The following UBTD2 variants were observed in gnomAD, a reference collection of about 807,000 sequenced individuals.
UBTD2 encodes ubiquitin domain-containing protein 2.
A neutral mutation model predicts 19.8 loss-of-function variants in UBTD2; 9 were observed. That is an observed-to-expected ratio of 0.46 (90% CI 0.27 to 0.79). The LOEUF (loss-of-function observed/expected upper bound fraction) is 0.79, where lower values mean the gene tolerates loss of function less well. Among genes scored for constraint, UBTD2 ranks in the 30% least tolerant of loss-of-function variants. The pLI is 0.14. For synonymous variants in UBTD2, 98 were observed against 103.9 expected, an observed-to-expected ratio of 0.94 and a Z score of 0.35; for missense variants, 250 against 300.4, an observed-to-expected ratio of 0.83 and a Z score of 1.24.
rs1771436933 is a variant in UBTD2, at chr5:172,211,244, A to G, written c.*586T>C. 1 of 152,356 alleles carries G rather than the reference A, an allele frequency of 6.6e-6. No individual in the cohort carries two copies. Among genetic ancestry groups the G allele is most frequent in the Non-Finnish European group, 1.5e-5 (1 of 68,030 alleles). The allele number at this position is 152,356 out of a possible 1,614,324, so 9.4% of individuals were successfully genotyped here. ...ATGAGGAAAGCAACACTAAAGCACAATTTGCCAGTCTCTACTCATTTATGG... is the reference window on the plus strand; with the variant it reads ...ATGAGGAAAGCAACACTAAAGCACAGTTTGCCAGTCTCTACTCATTTATGG... On this transcript the variant is annotated 3_prime_UTR_variant, in exon 3 of 3. Coordinates refer to ENST00000393792, the MANE Select transcript of UBTD2 (RefSeq NM_152277.3).
intron 1 of UBTD2, among the ~76,000 whole-genome samples, chr5:172,258,024 T>A (rs1273851644): frequency 6.6e-6 from 1 of 152,260 alleles, no homozygotes; most frequent in East Asian, 1.9e-4. Flanking sequence ...GTCCCACCTG[T>A]CAATTTTTGT....
chr5:172,244,423 G>T (rs1581221459), intron 1 of UBTD2, among the ~76,000 whole-genome samples: 1 of 150,694 alleles, frequency 6.6e-6, no homozygotes, highest in Non-Finnish European at 1.5e-5. Flanking sequence ...CAGCCTCCGG[G>T]GTAGCTGGGA....
At chr5:172,224,922 C>G (rs945836237) in intron 2 of UBTD2, among the ~76,000 whole-genome samples, 1 of 152,138 alleles carries the variant, frequency 6.6e-6, no homozygotes, top group African/African-American at 2.4e-5. Flanking sequence ...TCCAAAATCA[C>G]TTTTAGCTAC....
Position 172,211,917 on chromosome 5 carries a change from C to T in UBTD2, c.618G>A (p.Lys206=), listed in dbSNP as rs766830768. The change falls in exon 3 of 3, where the codon AAG becomes AAA. Residue 206 remains lysine, a synonymous_variant. Transcript: ENST00000393792. ...CCTTTGGGATCTTCAGCTCTTCGAA[C>T]TTCATTTTGTCAGTGAGAGGTCTGC... ...FSGRPLTDKM[K]FEELKIPKDY... The T allele has an allele frequency of 6.8e-6, 11 of 1,614,062 alleles. No individual in the cohort carries two copies. In the South Asian group the frequency reaches 9.9e-5, roughly 14 times the overall value.
At chr5:172,237,881 T>C (rs1028768706) in intron 1 of UBTD2, among the ~76,000 whole-genome samples, 1 of 152,228 alleles carries the variant, frequency 6.6e-6, no homozygotes, top group African/African-American at 2.4e-5. Flanking sequence ...GGCAAAAATA[T>C]ACAGGCTGTC....
At chr5:172,254,718 G>A in intron 1 of UBTD2, 1 of 315,454 alleles carries the variant, frequency 3.2e-6, no homozygotes, top group East Asian at 9.0e-5. Flanking sequence ...TGATTCTCTT[G>A]CAACAATGCT....
intron 1 of UBTD2, chr5:172,242,488 G>A (rs949599529): frequency 2.2e-6 from 2 of 916,540 alleles, no homozygotes; most frequent in African/African-American, 1.8e-5. Flanking sequence ...ACGGCAATGT[G>A]TGAAGACATT....
At position 172,283,303 on chromosome 5, in the gene UBTD2, G is replaced by C. The variant is rs1441117771; in HGVS notation, c.70+293C>G. Among the ~76,000 whole-genome samples the C allele has an allele frequency of 1.3e-5, 2 of 152,086 alleles. No homozygotes were observed. The highest frequency in any genetic ancestry group is 2.4e-5 in the African/African-American group (1 of 41,394). Reference sequence around the variant, plus strand: ...AATAATTAAACGGCCTGGAGAGGGAGTGAGGTGGCCAGAAGGGCAGCTTCG... The same window carrying C: ...AATAATTAAACGGCCTGGAGAGGGACTGAGGTGGCCAGAAGGGCAGCTTCG... On this transcript the variant is annotated intron_variant, in intron 1 of 2. Coordinates refer to ENST00000393792, the MANE Select transcript of UBTD2 (RefSeq NM_152277.3). The surrounding 1 kb of genome is among the most constrained non-coding windows in gnomAD (Gnocchi z 4.3).
In UBTD2 at chr5:172,234,200, C is replaced by A. The variant is rs769037278; in HGVS notation, c.229G>T (p.Ala77Ser). ...TCATTGCTCTCAAAAGCATGTGCAG[C>A]AGCCTTCAAGGCATCCCAAATCTCT... The part of the protein sequence containing the change: ...RKEIWDALKA[A>S]AHAFESNDHE... Residue 77 changes from alanine (A) to serine (S), a missense_variant, in exon 2 of 3, where the codon GCT becomes TCT. Coordinates refer to ENST00000393792, the MANE Select transcript of UBTD2 (RefSeq NM_152277.3). 6.2e-7 allele frequency: 1 copy of A among 1,614,166 alleles called. No individual in the cohort carries two copies. The highest frequency in any genetic ancestry group is 8.5e-7 in the Non-Finnish European group (1 of 1,180,038).
At chr5:172,278,450 T>C (rs1755649924) in intron 1 of UBTD2, among the ~76,000 whole-genome samples, 1 of 149,160 alleles carries the variant, frequency 6.7e-6, no homozygotes, top group Non-Finnish European at 1.5e-5. Context: ...ACCTGGGAGG[T>C]AGAGGTTGCA....
chr5:172,235,809 G>C (rs1771996932), intron 1 of UBTD2, among the ~76,000 whole-genome samples: 1 of 152,152 alleles, frequency 6.6e-6, no homozygotes, highest in Non-Finnish European at 1.5e-5. Flanking sequence ...TGATAGATGG[G>C]ATAGAAGATA....
intron 2 of UBTD2, among the ~76,000 whole-genome samples, chr5:172,216,199 A>G (rs961975595): frequency 2.0e-5 from 3 of 151,858 alleles, no homozygotes; most frequent in Admixed American, 2.0e-4. Flanking sequence ...AACAACTACA[A>G]CAAAAAAGCC....
intron 2 of UBTD2, among the ~76,000 whole-genome samples, chr5:172,221,050 G>A (rs758033118): frequency 6.6e-6 from 1 of 152,118 alleles, no homozygotes; most frequent in African/African-American, 2.4e-5. Flanking sequence ...TAAGTCTAAC[G>A]AAGTATGTAT....
chr5:172,266,799 G>A (rs972662703), intron 1 of UBTD2, among the ~76,000 whole-genome samples: 1 of 152,148 alleles, frequency 6.6e-6, no homozygotes, highest in African/African-American at 2.4e-5. Flanking sequence ...CACTTTGGGA[G>A]GCCCAGGCAG....
At chr5:172,251,831 T>C (rs1288932045) in intron 1 of UBTD2, among the ~76,000 whole-genome samples, 1 of 152,150 alleles carries the variant, frequency 6.6e-6, no homozygotes, top group Non-Finnish European at 1.5e-5. Flanking sequence ...AGTATAAAAC[T>C]GGTGAAAGTA....
chr5:172,216,771 C>T (rs754183573), intron 2 of UBTD2, among the ~76,000 whole-genome samples: 13 of 151,774 alleles, frequency 8.6e-5, no homozygotes, highest in Admixed American at 2.0e-4. Flanking sequence ...TTCAAAATCA[C>T]CCTGAGCAAC....
intron 1 of UBTD2, among the ~76,000 whole-genome samples, chr5:172,257,035 C>T (rs182599251): frequency 4.3e-4 from 66 of 152,132 alleles, no homozygotes; most frequent in African/African-American, 1.3e-3. Context: ...AGGTTTGTTA[C>T]GTGGGTAAAT....
chr5:172,263,043 T>C (rs1419030353), intron 1 of UBTD2, among the ~76,000 whole-genome samples: 2 of 151,874 alleles, frequency 1.3e-5, no homozygotes, highest in Non-Finnish European at 2.9e-5. Flanking sequence ...GGGCGAGCGA[T>C]CCTCCCACCT....
Position 172,222,940 on chromosome 5 carries a change from G to C in UBTD2, c.308-10713C>G, listed in dbSNP as rs148677246. ...TTCTAGGTGCTAAGGTTGTGCTGGT[G>C]AACAAGACAAAGCCTGCTGACTGTT... On this transcript the variant is annotated intron_variant, in intron 2 of 2. Transcript: ENST00000393792. 6.3e-3 allele frequency among the ~76,000 whole-genome samples: 959 copies of C among 152,286 alleles called. 2 individuals carry two copies. Among genetic ancestry groups the C allele is most frequent in the Middle Eastern group, 0.014 (4 of 294 alleles).
Sources: gnomAD v4.1 joint callset for allele counts (sites outside exome capture counted in the v4.1 genomes callset) on GRCh38, gnomAD v4.1.1 for gene constraint, Gnocchi (gnomAD v3.1) non-coding constraint, MANE v1.5 for transcripts, NCBI Gene and HGNC (gene_info 2026-07-23, HGNC 2026-07-21) for gene names.